The following MYO18A variants were observed in gnomAD, a reference collection of about 807,000 sequenced individuals.
MYO18A encodes myosin XVIIIA.
MYO18A carries 78 observed loss-of-function variants against 235.8 expected under a neutral mutation model. The ratio of observed to expected loss-of-function variants is 0.33; its 90% confidence interval spans 0.28 to 0.40. The LOEUF is 0.40. Ranked by LOEUF, MYO18A falls within the 10% of genes least tolerant of loss-of-function variation. The probability of loss-of-function intolerance (pLI) is 1.00; values close to 1 mark genes in which losing one functional copy is unlikely to be tolerated. For synonymous variants in MYO18A, 977 were observed against 1,077.8 expected (o/e 0.91, Z 1.83); for missense variants, 2,215 against 2,699.3 (o/e 0.82, Z 3.98).
chr17:29,101,318 T>G (rs932769110), intron 21 of MYO18A, among the ~76,000 whole-genome samples: 1 of 147,708 alleles, frequency 6.8e-6, no homozygotes, highest in Non-Finnish European at 1.5e-5. Flanking sequence ...TTTCTTTCTT[T>G]TTTTGGAGAC....
intron 11 of MYO18A, 113 bp downstream of exon 11, chr17:29,116,331 G>T: frequency 7.9e-7 from 1 of 1,262,088 alleles, no homozygotes; most frequent in Non-Finnish European, 1.2e-6. Flanking sequence ...CCAACAGTGG[G>T]GAGGCAAAAA....
intron 2 of MYO18A, among the ~76,000 whole-genome samples, chr17:29,127,219 T>C (rs2067343278): frequency 1.3e-5 from 2 of 152,220 alleles, no homozygotes; most frequent in Admixed American, 1.3e-4. Context: ...CGGCAAAACC[T>C]GGCAGTTTAT....
At chr17:29,089,281 A>T (rs1374594961) in intron 37 of MYO18A, among the ~76,000 whole-genome samples, 2 of 151,288 alleles carry the variant, frequency 1.3e-5, no homozygotes, top group Middle Eastern at 3.4e-3. Context: ...AATACAATTT[A>T]AAAAAAGCAC....
At chr17:29,154,511 G>A (rs1282661226) in intron 2 of MYO18A, among the ~76,000 whole-genome samples, 1 of 152,226 alleles carries the variant, frequency 6.6e-6, no homozygotes, top group East Asian at 1.9e-4. Flanking sequence ...GAATAGGGAT[G>A]TTTGCTGGTC....
chr17:29,110,525 G>C lies in MYO18A; in HGVS notation c.2998C>G (p.Arg1000Gly), dbSNP rs201762028. The C allele has an allele frequency of 1.6e-4, 255 of 1,608,600 alleles. No homozygotes were observed. Among genetic ancestry groups the C allele is most frequent in the Non-Finnish European group, 2.0e-4 (235 of 1,177,848 alleles). ...GTTTTCCGCATGCTGGTGGCCCGGCGCAGTGCCAGCTGCGAGCCGCCCTCC... is the reference window on the plus strand; with the variant it reads ...GTTTTCCGCATGCTGGTGGCCCGGCCCAGTGCCAGCTGCGAGCCGCCCTCC... ...GLEGGSQLAL[R>G]RATSMRKTFT... The change falls in exon 18 of 42, where the codon CGC becomes GGC. Residue 1000 changes from arginine to glycine, a missense_variant. Arg to Gly is a moderately radical substitution (Grantham distance 125). Coordinates refer to ENST00000527372, the MANE Select transcript of MYO18A (RefSeq NM_078471.4).
Position 29,120,870 on chromosome 17 carries a change from C to T in MYO18A, c.1586-112G>A, listed in dbSNP as rs114731898. ...TGGGGCCATTCAGACCAGAACTGCC[C>T]GTGGACAGAGGGGTTTCGGGGGGAT... is the stretch of plus-strand genomic sequence containing the variant. On this transcript the variant is annotated intron_variant, in intron 6 of 41. Coordinates refer to ENST00000527372, the MANE Select transcript of MYO18A (RefSeq NM_078471.4). This position sits in a 1 kb window ranked among gnomAD's most constrained non-coding sequence, Gnocchi z 4.2. 641 of 1,562,832 alleles carry T rather than the reference C, an allele frequency of 4.1e-4. 1 individual carries two copies. The African/African-American group carries it at 7.4e-3, about 18-fold the overall frequency.
intron 41 of MYO18A, chr17:29,080,641 C>T (rs1014832539): frequency 9.1e-6 from 9 of 985,518 alleles, no homozygotes; most frequent in Non-Finnish European, 1.1e-5. Context: ...GCCAGAGCCC[C>T]GCCGCGTGGC....
In MYO18A at chr17:29,109,363, C is replaced by T. The variant is rs1458285649; in HGVS notation, c.3331+495G>A. Among the ~76,000 whole-genome samples, 1 of 152,158 alleles carries T rather than the reference C, an allele frequency of 6.6e-6. No individual in the cohort carries two copies. The highest frequency in any genetic ancestry group is 1.9e-4 in the East Asian group (1 of 5,198). Reference sequence around the variant, plus strand: ...AGCCACCGATAACAGCTTCTAAGGACTCTAAGTAACCACTAATACTATCAT... The same window carrying T: ...AGCCACCGATAACAGCTTCTAAGGATTCTAAGTAACCACTAATACTATCAT... On this transcript the variant is annotated intron_variant, in intron 19 of 41. Coordinates refer to ENST00000527372, the MANE Select transcript of MYO18A (RefSeq NM_078471.4). The surrounding 1 kb of genome is among the most constrained non-coding windows in gnomAD (Gnocchi z 4.1).
Position 29,090,805 on chromosome 17 carries a change from G to A in MYO18A, c.5304+5C>T. The A allele has an allele frequency of 6.2e-7, 1 of 1,611,532 alleles. No homozygotes were observed. Among genetic ancestry groups the A allele is most frequent in the Non-Finnish European group, 8.5e-7 (1 of 1,177,670 alleles). ...GAGTGTGACGGGCACTCCTGGCAGG[G>A]GTACCTGAGCCACGGCAGCCTTGTG... On this transcript the variant is annotated splice_donor_5th_base_variant and intron_variant, in intron 35 of 41. Coordinates refer to ENST00000527372, the MANE Select transcript of MYO18A (RefSeq NM_078471.4).
intron 10 of MYO18A, among the ~76,000 whole-genome samples, chr17:29,116,813 C>T (rs890650308): frequency 6.8e-6 from 1 of 147,126 alleles, no homozygotes; most frequent in African/African-American, 2.5e-5. Flanking sequence ...TGCTGACACC[C>T]GGAGCTTTCC....
intron 2 of MYO18A, among the ~76,000 whole-genome samples, chr17:29,142,770 A>G (rs2067768665): frequency 6.6e-6 from 1 of 152,206 alleles, no homozygotes; most frequent in Non-Finnish European, 1.5e-5. Context: ...CATGAAGTAA[A>G]CTACACAACT....
At chr17:29,085,210 A>T (rs890975396) in intron 40 of MYO18A, among the ~76,000 whole-genome samples, 5 of 152,262 alleles carry the variant, frequency 3.3e-5, no homozygotes, top group Non-Finnish European at 7.3e-5. Context: ...AAGGAGCCCA[A>T]GGATGTGGAC....
At chr17:29,139,124 C>T (rs1488281925) in intron 2 of MYO18A, among the ~76,000 whole-genome samples, 2 of 152,074 alleles carry the variant, frequency 1.3e-5, no homozygotes, top group South Asian at 2.1e-4. Context: ...AGAAAGCAGC[C>T]GGGCACCCGC....
intron 15 of MYO18A, among the ~76,000 whole-genome samples, chr17:29,112,106 A>G (rs2066945117): frequency 6.6e-6 from 1 of 152,248 alleles, no homozygotes; most frequent in South Asian, 2.1e-4. Flanking sequence ...TTAGCACTCC[A>G]GTCCAAAGTC....
intron 3 of MYO18A, 104 bp downstream of exon 3, chr17:29,122,062 C>T (rs2067214761): frequency 6.6e-7 from 1 of 1,518,562 alleles, no homozygotes; most frequent in Non-Finnish European, 9.1e-7. Context: ...ACCAGCCTCT[C>T]CTTGCTCACT....
intron 11 of MYO18A, 134 bp from the exon 12 acceptor site, chr17:29,115,974 C>T: frequency 1.1e-6 from 1 of 950,264 alleles, no homozygotes; most frequent in Non-Finnish European, 1.5e-6. Context: ...GGGCTTCAGG[C>T]AGAACAGGGG....
chr17:29,139,518 A>G (rs577827605), intron 2 of MYO18A, among the ~76,000 whole-genome samples: 29 of 151,924 alleles, frequency 1.9e-4, no homozygotes, highest in African/African-American at 6.8e-4. Context: ...AGATACAAGT[A>G]CTCACGGGTA....
rs728876 is a variant in MYO18A, at chr17:29,097,987, A to G, written c.3991-88T>C. On this transcript the variant is annotated intron_variant, in intron 25 of 41. Transcript: ENST00000527372. ...ACAGACCATGATCACATGCTTACCA[A>G]GGGCAGACAGGGATGCTGGGCTAGG... is the stretch of plus-strand genomic sequence containing the variant. The G allele has an allele frequency of 4.2e-3, 6,634 of 1,570,572 alleles. 235 individuals are homozygous for G. In the African/African-American group the frequency reaches 0.079, roughly 19 times the overall value.
chr17:29,107,035 G>C lies in MYO18A; in HGVS notation c.3441+45C>G, dbSNP rs763582278. On this transcript the variant is annotated intron_variant, in intron 20 of 41. Coordinates refer to ENST00000527372, the MANE Select transcript of MYO18A (RefSeq NM_078471.4). ...ATGAGTCTGGAAAGGGCAGCTGCTTGAGGGGCCTGGGCAGAGGGAGAGCGG... is the reference window on the plus strand; with the variant it reads ...ATGAGTCTGGAAAGGGCAGCTGCTTCAGGGGCCTGGGCAGAGGGAGAGCGG... 1.6e-5 allele frequency: 25 copies of C among 1,570,976 alleles called. No homozygotes were observed. In the South Asian group the frequency reaches 2.7e-4, roughly 17 times the overall value.
Sources: gnomAD v4.1 joint callset for allele counts (sites outside exome capture counted in the v4.1 genomes callset) on GRCh38, gnomAD v4.1.1 for gene constraint, Gnocchi (gnomAD v3.1) non-coding constraint, MANE v1.5 for transcripts, NCBI Gene and HGNC (gene_info 2026-07-23, HGNC 2026-07-21) for gene names.